PRKN: variants seen among roughly 807,000 people sequenced by gnomAD.
PRKN encodes E3 ubiquitin-protein ligase parkin.
A neutral mutation model predicts 59.5 loss-of-function variants in PRKN; 56 were observed. The observed-to-expected ratio is 0.94, with a 90% CI of 0.76 to 1.18. The LOEUF is 1.18. PRKN is among the 50% of genes most tolerant of loss of function. The pLI is 0.00. For synonymous variants in PRKN, 250 were observed against 222.1 expected (o/e 1.13, Z -1.12); for missense variants, 657 against 596.4 (o/e 1.10, Z -1.06).
At chr6:162,492,804 T>A (rs1282344310) in intron 1 of PRKN, among the ~76,000 whole-genome samples, 1 of 151,820 alleles carries the variant, frequency 6.6e-6, no homozygotes, top group South Asian at 2.1e-4. Context: ...TACAAAAAAA[T>A]TAGCCAGGTG....
intron 6 of PRKN, among the ~76,000 whole-genome samples, chr6:161,964,583 T>C (rs966846628): frequency 6.6e-6 from 1 of 152,062 alleles, no homozygotes; most frequent in Non-Finnish European, 1.5e-5. Flanking sequence ...CATTCGACTC[T>C]AGAACATACC....
At chr6:162,053,447 A>G (rs1777730515) in intron 5 of PRKN, among the ~76,000 whole-genome samples, 1 of 152,242 alleles carries the variant, frequency 6.6e-6, no homozygotes, top group Non-Finnish European at 1.5e-5. Flanking sequence ...TATACATGTG[A>G]AGCATGACCA....
chr6:161,898,560 T>C (rs1756440264), intron 6 of PRKN, among the ~76,000 whole-genome samples: 1 of 152,192 alleles, frequency 6.6e-6, no homozygotes, highest in South Asian at 2.1e-4. Context: ...ACGCTGTGGC[T>C]GAAGTGGGTC....
chr6:162,477,968 G>T (rs1296447981), intron 1 of PRKN, among the ~76,000 whole-genome samples: 1 of 152,108 alleles, frequency 6.6e-6, no homozygotes, highest in African/African-American at 2.4e-5. Flanking sequence ...TCTCAGTACA[G>T]TGCAGAGTCC....
intron 6 of PRKN, among the ~76,000 whole-genome samples, chr6:161,858,856 TAC>T (rs1491265829): frequency 5.1e-5 from 7 of 137,274 alleles, no homozygotes; most frequent in Admixed American, 7.6e-5. Flanking sequence ...AGCACAGCTG[TAC>T]TTTTTTTTTT....
intron 2 of PRKN, among the ~76,000 whole-genome samples, chr6:162,366,976 T>C (rs973714190): frequency 6.6e-6 from 1 of 152,176 alleles, no homozygotes; most frequent in African/African-American, 2.4e-5. Context: ...TGTATACAGT[T>C]TGATATGGTT....
intron 6 of PRKN, among the ~76,000 whole-genome samples, chr6:161,909,550 C>T (rs757558019): frequency 7.9e-5 from 12 of 152,130 alleles, no homozygotes; most frequent in Non-Finnish European, 1.3e-4. Context: ...AGTAATAGGG[C>T]CTGAGGAACT....
chr6:161,353,969 A>T lies in PRKN; in HGVS notation c.1286-3758T>A, dbSNP rs1294782384. Reference sequence around the variant, plus strand: ...TCTTCTGTGCTGACTGTTGTTATTGAATGAGAGAATAGAAGAAGCATGTTG... The same window carrying T: ...TCTTCTGTGCTGACTGTTGTTATTGTATGAGAGAATAGAAGAAGCATGTTG... On this transcript the variant is annotated intron_variant, in intron 11 of 11. Coordinates refer to ENST00000366898, the MANE Select transcript of PRKN (RefSeq NM_004562.3). The surrounding 1 kb of genome is among the most constrained non-coding windows in gnomAD (Gnocchi z 4.8). Among the ~76,000 whole-genome samples, 1 of 152,196 alleles carries T rather than the reference A, an allele frequency of 6.6e-6. No individual in the cohort carries two copies. Among genetic ancestry groups the T allele is most frequent in the East Asian group, 1.9e-4 (1 of 5,200 alleles).
chr6:162,190,992 A>G (rs531567486), intron 4 of PRKN, among the ~76,000 whole-genome samples: 1 of 152,270 alleles, frequency 6.6e-6, no homozygotes, highest in African/African-American at 2.4e-5. Flanking sequence ...ATGTGTAGAA[A>G]CAGGCACTGG....
intron 4 of PRKN, among the ~76,000 whole-genome samples, chr6:162,174,202 G>A (rs1284662295): frequency 6.6e-6 from 1 of 152,172 alleles, no homozygotes; most frequent in African/African-American, 2.4e-5. Flanking sequence ...GTGATGGGCT[G>A]TCCAAAGCAA....
intron 6 of PRKN, among the ~76,000 whole-genome samples, chr6:161,832,698 C>T (rs948557321): frequency 2.0e-5 from 3 of 151,930 alleles, no homozygotes; most frequent in Non-Finnish European, 4.4e-5. Context: ...TCCCTAAGGC[C>T]TCCATGGTGT....
chr6:161,567,328 G>A (rs184995983), intron 8 of PRKN, among the ~76,000 whole-genome samples: 2 of 152,250 alleles, frequency 1.3e-5, no homozygotes, highest in East Asian at 3.9e-4. Flanking sequence ...CATTACAGGT[G>A]TGAGCCACCA....
chr6:161,976,053 C>G (rs1781019236), intron 5 of PRKN, among the ~76,000 whole-genome samples: 1 of 152,024 alleles, frequency 6.6e-6, no homozygotes, highest in African/African-American at 2.4e-5. Context: ...TTACAGGCAC[C>G]CGCCATCATG....
intron 1 of PRKN, among the ~76,000 whole-genome samples, chr6:162,647,159 G>A (rs1778215396): frequency 6.6e-6 from 1 of 151,858 alleles, no homozygotes; most frequent in South Asian, 2.1e-4. Flanking sequence ...CTTCTAGAGA[G>A]AAAGAATAAT....
At chr6:161,776,599 G>A (rs959621635) in intron 7 of PRKN, among the ~76,000 whole-genome samples, 4 of 152,096 alleles carry the variant, frequency 2.6e-5, no homozygotes, top group Admixed American at 6.6e-5. Flanking sequence ...ATATTTAAAC[G>A]TGGGAACTTT....
chr6:162,651,296 A>C (rs773920268), intron 1 of PRKN, among the ~76,000 whole-genome samples: 1 of 152,188 alleles, frequency 6.6e-6, no homozygotes, highest in Non-Finnish European at 1.5e-5. Flanking sequence ...GTACATCTTC[A>C]TCGATGTTCC....
chr6:162,444,550 C>G (rs965396589), intron 1 of PRKN, among the ~76,000 whole-genome samples: 1 of 152,114 alleles, frequency 6.6e-6, no homozygotes, highest in Non-Finnish European at 1.5e-5. Context: ...CATGACCTCC[C>G]TCCTTCTCCT....
At chr6:161,934,668 A>G (rs1000381524) in intron 6 of PRKN, among the ~76,000 whole-genome samples, 4 of 152,156 alleles carry the variant, frequency 2.6e-5, no homozygotes, top group Non-Finnish European at 2.9e-5. Context: ...AAGATTCTTT[A>G]CAATTGTCTT....
intron 7 of PRKN, among the ~76,000 whole-genome samples, chr6:161,754,345 G>A (rs1183243994): frequency 6.6e-6 from 1 of 152,078 alleles, no homozygotes; most frequent in African/African-American, 2.4e-5. Context: ...GGAGGGGCAA[G>A]CAGAGGAAGG....
Sources: allele counts gnomAD v4.1 joint callset (sites outside exome capture counted in the v4.1 genomes callset), GRCh38; gene constraint gnomAD v4.1.1; non-coding constraint Gnocchi (gnomAD v3.1); transcripts MANE v1.5; gene names NCBI Gene and HGNC (gene_info 2026-07-23, HGNC 2026-07-21).